The following PGP variants were observed in gnomAD, a reference collection of about 807,000 sequenced individuals.
The protein encoded by PGP is phosphoglycolate phosphatase.
Under a neutral mutation model 19.3 loss-of-function variants are expected in PGP, and 9 were observed. The ratio of observed to expected loss-of-function variants is 0.47; its 90% confidence interval spans 0.28 to 0.81. The LOEUF is 0.81. Ranked by LOEUF, PGP falls within the 40% of genes least tolerant of loss-of-function variation. The pLI, the probability that PGP is intolerant of heterozygous loss-of-function variation, is 0.11. For synonymous variants in PGP, 308 were observed against 226.8 expected (o/e 1.36, Z -3.22); for missense variants, 403 against 479.9 (o/e 0.84, Z 1.50).
At position 2,214,433 on chromosome 16, in the gene PGP, G is replaced by A. The variant is rs2093382921; in HGVS notation, c.345C>T (p.Gly115=). Residue 115 remains glycine, a synonymous_variant, in exon 1 of 2, where the codon GGC becomes GGT. Coordinates refer to ENST00000333503, the MANE Select transcript of PGP (RefSeq NM_001042371.3). This position sits in a 1 kb window ranked among gnomAD's most constrained non-coding sequence, Gnocchi z 7.1. ...GCACGTAGGCCTTGGGCGCGGGGGC[G>A]CCGGCCAGGCGCTGGCGCAGGTAGA... ...TALYLRQRLA[G]APAPKAYVLG... 15 of 1,329,894 alleles carry A rather than the reference G, an allele frequency of 1.1e-5. No individual in the cohort carries two copies. The highest frequency in any genetic ancestry group is 1.3e-5 in the Non-Finnish European group (14 of 1,049,222). The allele number at this position is 1,329,894 out of a possible 1,614,324, so 82.4% of individuals were successfully genotyped here. A position where few individuals can be genotyped will look rare whatever the true frequency, so the allele number is the denominator to read the frequency against.
rs1280242628 is a variant in PGP at position 2,214,362 on chromosome 16, G to A, written c.416C>T (p.Ala139Val). ...LAAELEAVGV[A>V]SVGVGPEPLQ... Reference sequence around the variant, plus strand: ...TGGCTCGGGCCCCACGCCCACGCTGGCGACGCCCACGGCCTCCAGCTCCGC... The same window carrying A: ...TGGCTCGGGCCCCACGCCCACGCTGACGACGCCCACGGCCTCCAGCTCCGC... The change falls in exon 1 of 2, where the codon GCC becomes GTC. Residue 139 changes from alanine to valine, a missense_variant. Transcript: ENST00000333503. This position sits in a 1 kb window ranked among gnomAD's most constrained non-coding sequence, Gnocchi z 7.1. The A allele has an allele frequency of 5.3e-6, 8 of 1,500,844 alleles. No individual in the cohort carries two copies. The South Asian group carries it at 8.9e-5, about 17-fold the overall frequency. 93.0% of individuals were successfully genotyped at this position (1,500,844 alleles called of 1,614,324 possible).
Position 2,211,654 on chromosome 16 carries a change from G to C in PGP, c.*2074C>G, listed in dbSNP as rs1412644890. The C allele has an allele frequency of 3.1e-5, 30 of 976,508 alleles. No individual in the cohort carries two copies. Among genetic ancestry groups the C allele is most frequent in the Non-Finnish European group, 3.5e-5 (29 of 821,828 alleles). 60.5% of individuals were successfully genotyped at this position (976,508 alleles called of 1,614,324 possible). A position where few individuals can be genotyped will look rare whatever the true frequency, so the allele number is the denominator to read the frequency against. On this transcript the variant is annotated 3_prime_UTR_variant, in exon 2 of 2. Transcript: ENST00000333503. ...GCTGGTCTTGAACTCCTGATCTCAA[G>C]TAATCCACCTGCCTCAGCCTTCCAA...
rs1267824268 is a variant in PGP, at chr16:2,213,550, AAAC to A, written c.*175_*177del. The A allele has an allele frequency of 3.0e-5, 21 of 689,326 alleles. No homozygotes were observed. The African/African-American group carries it at 3.6e-4, about 12-fold the overall frequency. The allele number at this position is 689,326 out of a possible 1,614,324, so 42.7% of individuals were successfully genotyped here. A position where few individuals can be genotyped will look rare whatever the true frequency, so the allele number is the denominator to read the frequency against. On this transcript the variant is annotated 3_prime_UTR_variant, in exon 2 of 2. Transcript: ENST00000333503. ...TGCATCTTCGATTACAAGCATCTGT[AAAC>A]AAAATCGTCCCCCAAACGTGTACTT...
rs1430297936 is a variant in PGP, at chr16:2,214,656, C to A, written c.122G>T (p.Arg41Leu). Residue 41 changes from arginine (R) to leucine (L), a missense_variant, in exon 1 of 2, where the codon CGC becomes CTC. Transcript: ENST00000333503. This position sits in a 1 kb window ranked among gnomAD's most constrained non-coding sequence, Gnocchi z 7.1. ...LLFDCDGVLW[R>L]GETAVPGAPE... ...CGCGCCAGGCACGGCGGTCTCCCCG[C>A]GCCACAGCACGCCGTCGCAGTCGAA... 6.9e-7 allele frequency: 1 copy of A among 1,442,242 alleles called. No homozygotes were observed. The highest frequency in any genetic ancestry group is 2.5e-5 in the Admixed American group (1 of 39,920). The allele number at this position is 1,442,242 out of a possible 1,614,324, so 89.3% of individuals were successfully genotyped here. A position where few individuals can be genotyped will look rare whatever the true frequency, so the allele number is the denominator to read the frequency against.
chr16:2,212,440 C>A lies in PGP; in HGVS notation c.*1288G>T. 9.1e-6 allele frequency: 9 copies of A among 985,752 alleles called. No homozygotes were observed. The highest frequency in any genetic ancestry group is 9.6e-6 in the Non-Finnish European group (8 of 830,044). 61.1% of individuals were successfully genotyped at this position (985,752 alleles called of 1,614,324 possible). A position where few individuals can be genotyped will look rare whatever the true frequency, so the allele number is the denominator to read the frequency against. On this transcript the variant is annotated 3_prime_UTR_variant, in exon 2 of 2. Transcript: ENST00000333503. ...GGGATGGCCCTGCTGAGTCTGCTGT[C>A]AGGCCTGTGAAAGGTCAGCAGAGCC...
rs1319193463 is a variant in PGP at position 2,214,705 on chromosome 16, G to A, written c.73C>T (p.Leu25=). 1.5e-4 allele frequency: 207 copies of A among 1,392,906 alleles called. No homozygotes were observed. The highest frequency in any genetic ancestry group is 1.8e-4 in the Non-Finnish European group (188 of 1,070,710). The allele number at this position is 1,392,906 out of a possible 1,614,324, so 86.3% of individuals were successfully genotyped here. ...RLSAERAQAL[L]ADVDTLLFDC... is the part of the protein sequence containing the mutation. The stretch of plus-strand genomic sequence containing the variant: ...AACAGCAGCGTGTCCACGTCGGCCA[G>A]CAGCGCCTGTGCCCGCTCGGCGCTC... Residue 25 remains leucine, a synonymous_variant, in exon 1 of 2, where the codon CTG becomes TTG. Coordinates refer to ENST00000333503, the MANE Select transcript of PGP (RefSeq NM_001042371.3). The surrounding 1 kb of genome is among the most constrained non-coding windows in gnomAD (Gnocchi z 7.1).
chr16:2,213,024 A>G lies in PGP; in HGVS notation c.*704T>C. 1.0e-6 allele frequency: 1 copy of G among 985,532 alleles called. No individual in the cohort carries two copies. Among genetic ancestry groups the G allele is most frequent in the Non-Finnish European group, 1.2e-6 (1 of 829,966 alleles). The allele number at this position is 985,532 out of a possible 1,614,324, so 61.0% of individuals were successfully genotyped here. Reference sequence around the variant, plus strand: ...CTCCGTCCAAATCACCTGGGTATAAATGCACACTTGAGACAGCAGAGCTTT... The same window carrying G: ...CTCCGTCCAAATCACCTGGGTATAAGTGCACACTTGAGACAGCAGAGCTTT... On this transcript the variant is annotated 3_prime_UTR_variant, in exon 2 of 2. Transcript: ENST00000333503.
chr16:2,212,736 G>C lies in PGP; in HGVS notation c.*992C>G, dbSNP rs531266471. On this transcript the variant is annotated 3_prime_UTR_variant, in exon 2 of 2. Coordinates refer to ENST00000333503, the MANE Select transcript of PGP (RefSeq NM_001042371.3). ...GGCATTCCTTGGCCAACACATGCTT[G>C]AGCCGCGCTGCTGGCTGCAGGGCAC... 4.1e-6 allele frequency: 4 copies of C among 985,238 alleles called. No homozygotes were observed. The highest frequency in any genetic ancestry group is 3.5e-5 in the African/African-American group (2 of 57,216). 61.0% of individuals were successfully genotyped at this position (985,238 alleles called of 1,614,324 possible).
Position 2,213,720 on chromosome 16 carries a change from C to G in PGP, c.*8G>C, listed in dbSNP as rs1281950620. Reference sequence around the variant, plus strand: ...TTTTTTATTCTGCAGATTAAAGACACTCAATCTTTAACCTTGAAGGGCAGG... The same window carrying G: ...TTTTTTATTCTGCAGATTAAAGACAGTCAATCTTTAACCTTGAAGGGCAGG... On this transcript the variant is annotated 3_prime_UTR_variant, in exon 2 of 2. Transcript: ENST00000333503. 1.3e-6 allele frequency: 2 copies of G among 1,509,474 alleles called. No homozygotes were observed. Among genetic ancestry groups the G allele is most frequent in the African/African-American group, 2.8e-5 (2 of 71,234 alleles). The allele number at this position is 1,509,474 out of a possible 1,614,324, so 93.5% of individuals were successfully genotyped here. A position where few individuals can be genotyped will look rare whatever the true frequency, so the allele number is the denominator to read the frequency against.
chr16:2,214,040 C>T lies in PGP; in HGVS notation c.654G>A (p.Leu218=). The change falls in exon 2 of 2, where the codon CTG becomes CTA. Residue 218 remains leucine (L), a synonymous_variant. Coordinates refer to ENST00000333503, the MANE Select transcript of PGP (RefSeq NM_001042371.3). The surrounding 1 kb of genome is among the most constrained non-coding windows in gnomAD (Gnocchi z 7.1). ...NGRFIAGTGC[L]VRAVEMAAQR... is the part of the protein sequence containing the mutation. ...GGGCGGCCATCTCCACGGCTCGGAC[C>T]AGACACCCGGTACCTGCGGGGCACA... 6.3e-7 allele frequency: 1 copy of T among 1,599,690 alleles called. No individual in the cohort carries two copies.
chr16:2,214,228 C>A lies in PGP; in HGVS notation c.550G>T (p.Ala184Ser). 1 of 1,594,464 alleles carries A rather than the reference C, an allele frequency of 6.3e-7. No individual in the cohort carries two copies. The highest frequency in any genetic ancestry group is 8.5e-7 in the Non-Finnish European group (1 of 1,178,528). ...PHFSYMKLTK[A>S]LRYLQQPGCL... ...CCGGGCTGCTGCAGGTAGCGCAGGG[C>A]CTTGGTGAGCTTCATGTAGCTGAAG... The change falls in exon 1 of 2, where the codon GCC becomes TCC. Residue 184 changes from alanine to serine, a missense_variant. Physicochemically the swap from Ala to Ser is moderately conservative, Grantham distance 99 (BLOSUM62 1). Coordinates refer to ENST00000333503, the MANE Select transcript of PGP (RefSeq NM_001042371.3). This position sits in a 1 kb window ranked among gnomAD's most constrained non-coding sequence, Gnocchi z 7.1.
In PGP at chr16:2,213,722, C is replaced by T. The variant is rs1234461134; in HGVS notation, c.*6G>A. The T allele has an allele frequency of 6.6e-7, 1 of 1,510,698 alleles. No homozygotes were observed. 93.6% of individuals were successfully genotyped at this position (1,510,698 alleles called of 1,614,324 possible). A position where few individuals can be genotyped will look rare whatever the true frequency, so the allele number is the denominator to read the frequency against. ...TTTTATTCTGCAGATTAAAGACACT[C>T]AATCTTTAACCTTGAAGGGCAGGCA... On this transcript the variant is annotated 3_prime_UTR_variant, in exon 2 of 2. Transcript: ENST00000333503.
Position 2,212,367 on chromosome 16 carries a change from T to TA in PGP, c.*1360dup. 1 of 986,016 alleles carries TA rather than the reference T, an allele frequency of 1.0e-6. No homozygotes were observed. The highest frequency in any genetic ancestry group is 4.7e-5 in the South Asian group (1 of 21,300). The allele number at this position is 986,016 out of a possible 1,614,324, so 61.1% of individuals were successfully genotyped here. ...TGGGGCCAAGAGAGAAGCTGCCAGG[T>TA]ACAGGGAAAGGCGCTGGTAGGGAGC... is the stretch of plus-strand genomic sequence containing the variant. On this transcript the variant is annotated 3_prime_UTR_variant, in exon 2 of 2. Transcript: ENST00000333503.
chr16:2,214,637 A>G lies in PGP; in HGVS notation c.141T>C (p.Pro47=). 1 of 1,446,702 alleles carries G rather than the reference A, an allele frequency of 6.9e-7. No individual in the cohort carries two copies. The highest frequency in any genetic ancestry group is 1.3e-5 in the South Asian group (1 of 75,790). 89.6% of individuals were successfully genotyped at this position (1,446,702 alleles called of 1,614,324 possible). ...GCGCCCGCAGGGCCTCGGGCGCGCC[A>G]GGCACGGCGGTCTCCCCGCGCCACA... ...GVLWRGETAV[P]GAPEALRALR... is the part of the protein sequence containing the mutation. The change falls in exon 1 of 2, where the codon CCT becomes CCC. Residue 47 remains proline, a synonymous_variant. Coordinates refer to ENST00000333503, the MANE Select transcript of PGP (RefSeq NM_001042371.3). The surrounding 1 kb of genome is among the most constrained non-coding windows in gnomAD (Gnocchi z 7.1).
Position 2,212,683 on chromosome 16 carries a change from C to T in PGP, c.*1045G>A. The T allele has an allele frequency of 1.0e-6, 1 of 985,524 alleles. No homozygotes were observed. The highest frequency in any genetic ancestry group is 1.2e-6 in the Non-Finnish European group (1 of 829,958). 61.0% of individuals were successfully genotyped at this position (985,524 alleles called of 1,614,324 possible). A position where few individuals can be genotyped will look rare whatever the true frequency, so the allele number is the denominator to read the frequency against. ...CTGTTCTTGGGGACATAACTCTCGT[C>T]CCCTCCCAGAGCCCTGGATGACTGA... On this transcript the variant is annotated 3_prime_UTR_variant, in exon 2 of 2. Coordinates refer to ENST00000333503, the MANE Select transcript of PGP (RefSeq NM_001042371.3).
Position 2,214,813 on chromosome 16 carries a change from C to T in PGP, c.-36G>A. ...CGGCCGCCGCCGCCCGCCGGCCGCT[C>T]CTCGCAGCCGCCCGCCGCGGCGCCC... On this transcript the variant is annotated 5_prime_UTR_variant, in exon 1 of 2. Transcript: ENST00000333503. This position sits in a 1 kb window ranked among gnomAD's most constrained non-coding sequence, Gnocchi z 7.1. 1 of 779,300 alleles carries T rather than the reference C, an allele frequency of 1.3e-6. No homozygotes were observed. Among genetic ancestry groups the T allele is most frequent in the African/African-American group, 1.9e-5 (1 of 52,928 alleles). The allele number at this position is 779,300 out of a possible 1,614,324, so 48.3% of individuals were successfully genotyped here.
Position 2,214,779 on chromosome 16 carries a change from G to A in PGP, c.-2C>T, listed in dbSNP as rs1182904751. The stretch of plus-strand genomic sequence containing the variant: ...GCCACCGGCCTCCGCCGCCGCCATC[G>A]CCGCCCGCCGGCCGCCGCCGCCCGC... On this transcript the variant is annotated 5_prime_UTR_variant, in exon 1 of 2. Transcript: ENST00000333503. This position sits in a 1 kb window ranked among gnomAD's most constrained non-coding sequence, Gnocchi z 7.1. 4.0e-6 allele frequency: 4 copies of A among 993,880 alleles called. No homozygotes were observed. Among genetic ancestry groups the A allele is most frequent in the South Asian group, 4.6e-5 (1 of 21,732 alleles). The allele number at this position is 993,880 out of a possible 1,614,324, so 61.6% of individuals were successfully genotyped here.
In PGP at chr16:2,213,599, C is replaced by T. The variant is rs1375688482; in HGVS notation, c.*129G>A. The T allele has an allele frequency of 1.1e-6, 1 of 904,464 alleles. No individual in the cohort carries two copies. Among genetic ancestry groups the T allele is most frequent in the Admixed American group, 3.3e-5 (1 of 30,262 alleles). 56.0% of individuals were successfully genotyped at this position (904,464 alleles called of 1,614,324 possible). Reference sequence around the variant, plus strand: ...TACTTACAAGGTTAACAATGAATGCCTTTGCTTAACTCCAATTACACTCTT... The same window carrying T: ...TACTTACAAGGTTAACAATGAATGCTTTTGCTTAACTCCAATTACACTCTT... On this transcript the variant is annotated 3_prime_UTR_variant, in exon 2 of 2. Transcript: ENST00000333503.
chr16:2,213,285 G>T lies in PGP; in HGVS notation c.*443C>A. 8.1e-6 allele frequency: 8 copies of T among 986,756 alleles called. No homozygotes were observed. Among genetic ancestry groups the T allele is most frequent in the Non-Finnish European group, 9.6e-6 (8 of 830,684 alleles). 61.1% of individuals were successfully genotyped at this position (986,756 alleles called of 1,614,324 possible). A position where few individuals can be genotyped will look rare whatever the true frequency, so the allele number is the denominator to read the frequency against. On this transcript the variant is annotated 3_prime_UTR_variant, in exon 2 of 2. Coordinates refer to ENST00000333503, the MANE Select transcript of PGP (RefSeq NM_001042371.3). ...GCTCCGCTGGACTTTCAGTCATACT[G>T]ATGGGGCTCTGGTCCATGCAAGCCT...
Sources: allele counts gnomAD v4.1 joint callset, GRCh38; gene constraint gnomAD v4.1.1; non-coding constraint Gnocchi (gnomAD v3.1); transcripts MANE v1.5; gene names NCBI Gene and HGNC (gene_info 2026-07-23, HGNC 2026-07-21).